The following THRAP3 variants were observed in gnomAD, a reference collection of about 807,000 sequenced individuals.
THRAP3 encodes thyroid hormone receptor associated protein 3.
THRAP3 carries 16 observed loss-of-function variants against 101.0 expected under a neutral mutation model. The ratio of observed to expected loss-of-function variants is 0.16; its 90% CI spans 0.11 to 0.24. The LOEUF (loss-of-function observed/expected upper bound fraction) is 0.24. Among genes scored for constraint, THRAP3 ranks in the 10% least tolerant of loss-of-function variants. The pLI is 1.00. For missense variants in THRAP3, 989 were observed against 1,202.7 expected (o/e 0.82, Z 2.63); for synonymous variants, 407 against 422.6 (o/e 0.96, Z 0.45).
intron 10 of THRAP3, 116 bp from the exon 11 acceptor site, chr1:36,301,437 G>T: frequency 7.7e-7 from 1 of 1,304,482 alleles, no homozygotes; most frequent in Non-Finnish European, 1.0e-6. Flanking sequence ...ACCAGCATAT[G>T]ACTGGAAGAC....
intron 9 of THRAP3, 149 bp from the exon 10 acceptor site, chr1:36,300,737 G>A (rs1646021033): frequency 1.5e-6 from 1 of 674,448 alleles, no homozygotes; most frequent in Non-Finnish European, 2.5e-6. Flanking sequence ...TGGGTAGGTT[G>A]GGGGTGAGCT....
intron 1 of THRAP3, among the ~76,000 whole-genome samples, chr1:36,229,332 G>A (rs1384449611): frequency 6.0e-5 from 9 of 151,220 alleles, no homozygotes; most frequent in Middle Eastern, 3.2e-3. Context: ...TCCTGACCTC[G>A]TGATCTGCCC....
At chr1:36,275,833 C>A (rs1313239812) in intron 2 of THRAP3, among the ~76,000 whole-genome samples, 8 of 151,662 alleles carry the variant, frequency 5.3e-5, no homozygotes, top group Admixed American at 3.9e-4. Context: ...CCAGTCTGGA[C>A]AACATGGGGA....
chr1:36,274,625 C>CTTTT lies in THRAP3; in HGVS notation c.-31-7887_-31-7884dup, dbSNP rs573419051. Among the ~76,000 whole-genome samples, 220 of 58,904 alleles carry CTTTT rather than the reference C, an allele frequency of 3.7e-3. 1 individual carries two copies. The highest frequency in any genetic ancestry group is 5.1e-3 in the African/African-American group (79 of 15,510). 38.6% of individuals were successfully genotyped at this position (58,904 alleles called of 152,430 possible). On this transcript the variant is annotated intron_variant, in intron 2 of 11. Coordinates refer to ENST00000354618, the MANE Select transcript of THRAP3 (RefSeq NM_005119.4). ...ATCCTTACATTTATGATTAATTGGG[C>CTTTT]TTTTTTTTTTTTTTTTTTTTTTTTG...
intron 1 of THRAP3, among the ~76,000 whole-genome samples, chr1:36,247,095 G>T (rs943120649): frequency 2.0e-5 from 3 of 151,842 alleles, no homozygotes; most frequent in African/African-American, 7.2e-5. Flanking sequence ...GAGGCGGGCG[G>T]ATCACGAGGT....
chr1:36,253,386 G>A (rs1255379152), intron 1 of THRAP3, among the ~76,000 whole-genome samples: 2 of 152,148 alleles, frequency 1.3e-5, no homozygotes, highest in Admixed American at 6.6e-5. Context: ...CATGCATTAA[G>A]GTTGGAAATA....
intron 6 of THRAP3, among the ~76,000 whole-genome samples, chr1:36,292,051 C>T (rs767666779): frequency 6.6e-6 from 1 of 151,974 alleles, no homozygotes; most frequent in Non-Finnish European, 1.5e-5. Flanking sequence ...GGAGAATAAG[C>T]TTCAAGTTTC....
In THRAP3 at chr1:36,287,024, C is replaced by A; in HGVS notation, c.794C>A (p.Pro265His). The change falls in exon 4 of 12, where the codon CCC becomes CAC. Residue 265 changes from proline (P) to histidine (H), a missense_variant. Transcript: ENST00000354618. Reference sequence around the variant, plus strand: ...TCTGTGGTGGTGAGGCGGCGGTCACCCCGTCCTAGCCCCGTGCCAAAACCT... The same window carrying A: ...TCTGTGGTGGTGAGGCGGCGGTCACACCGTCCTAGCCCCGTGCCAAAACCT... ...LQSVVVRRRS[P>H]RPSPVPKPSP... 6.2e-7 allele frequency: 1 copy of A among 1,613,688 alleles called. No homozygotes were observed. Among genetic ancestry groups the A allele is most frequent in the Non-Finnish European group, 8.5e-7 (1 of 1,179,670 alleles).
chr1:36,293,640 CTGTGTG>C (rs577292328), intron 7 of THRAP3, among the ~76,000 whole-genome samples: 2,018 of 133,406 alleles, frequency 0.015, 42 homozygotes, highest in African/African-American at 0.05. Context: ...GAACCTGGGA[CTGTGTG>C]TGTGTGTGTG....
intron 9 of THRAP3, among the ~76,000 whole-genome samples, chr1:36,296,978 G>T (rs547154326): frequency 1.3e-5 from 2 of 152,320 alleles, no homozygotes; most frequent in South Asian, 2.1e-4. Context: ...TCCAAAGAAG[G>T]CTTCATGAGA....
chr1:36,254,223 C>A (rs755118177), intron 1 of THRAP3, among the ~76,000 whole-genome samples: 10 of 152,132 alleles, frequency 6.6e-5, no homozygotes, highest in Non-Finnish European at 1.5e-4. Context: ...ATTTTCACAA[C>A]GTTTGCCAGT....
At chr1:36,249,295 C>T (rs558026653) in intron 1 of THRAP3, among the ~76,000 whole-genome samples, 2 of 151,380 alleles carry the variant, frequency 1.3e-5, no homozygotes, top group African/African-American at 2.4e-5. Flanking sequence ...AGGTTCATGC[C>T]ATTCTCCTGC....
chr1:36,284,940 A>G (rs1645777246), intron 3 of THRAP3, among the ~76,000 whole-genome samples: 1 of 152,086 alleles, frequency 6.6e-6, no homozygotes, highest in Non-Finnish European at 1.5e-5. Context: ...TTTTTTTTTA[A>G]TTGTACTTAA....
At chr1:36,269,323 CCT>C (rs1362046483) in intron 2 of THRAP3, among the ~76,000 whole-genome samples, 2 of 151,932 alleles carry the variant, frequency 1.3e-5, no homozygotes, top group Non-Finnish European at 2.9e-5. Flanking sequence ...GAAGCTGCAG[CCT>C]TTTGGGGTTG....
chr1:36,269,539 G>A (rs905094), intron 2 of THRAP3, among the ~76,000 whole-genome samples: 143,938 of 152,198 alleles, frequency 0.95, 68,600 homozygotes, highest in Middle Eastern at 1. Context: ...TTGAGTTTGA[G>A]TTAGAATGTT....
chr1:36,264,759 T>A (rs191297114), intron 2 of THRAP3, among the ~76,000 whole-genome samples: 154 of 152,270 alleles, frequency 1.0e-3, no homozygotes, highest in African/African-American at 3.6e-3. Flanking sequence ...TAATATCTAT[T>A]TGAGAATAGT....
intron 2 of THRAP3, among the ~76,000 whole-genome samples, chr1:36,266,492 G>A (rs1645516277): frequency 6.6e-6 from 1 of 152,170 alleles, no homozygotes; most frequent in African/African-American, 2.4e-5. Flanking sequence ...GAAGTAATGT[G>A]GTCCTGTTCC....
chr1:36,209,756 T>G, the THRAP3 span, among the ~76,000 whole-genome samples: 1 of 152,218 alleles, frequency 6.6e-6, no homozygotes, highest in Non-Finnish European at 1.5e-5. Context: ...CTCTGAGGAC[T>G]GACCTTTGAC....
chr1:36,232,985 G>A lies in THRAP3; in HGVS notation c.-135+8480G>A, dbSNP rs145527040. ...CCAGATTCAAGCAATTCTACTGCCT[G>A]AGCCTCCTGAGAAGCTGGGATTATA... On this transcript the variant is annotated intron_variant, in intron 1 of 11. Transcript: ENST00000354618. Among the ~76,000 whole-genome samples, 482 of 148,762 alleles carry A rather than the reference G, an allele frequency of 3.2e-3. 5 individuals are homozygous for A. The highest frequency in any genetic ancestry group is 0.011 in the African/African-American group (463 of 40,480).
Sources: allele counts gnomAD v4.1 joint callset (sites outside exome capture counted in the v4.1 genomes callset), GRCh38; gene constraint gnomAD v4.1.1; transcripts MANE v1.5; gene names NCBI Gene and HGNC (gene_info 2026-07-23, HGNC 2026-07-21).